The following ZNF333 variants were observed in gnomAD, a reference collection of about 807,000 sequenced individuals.
ZNF333 encodes zinc finger protein 333.
ZNF333 carries 61 observed loss-of-function variants against 76.1 expected under a neutral mutation model. That is an observed-to-expected ratio of 0.80 (90% confidence interval 0.65 to 0.99). The LOEUF (loss-of-function observed/expected upper bound fraction) is 0.99. ZNF333 is among the 50% of genes least tolerant of loss of function. The probability of loss-of-function intolerance (pLI) is 0.00; values close to 1 mark genes in which losing one functional copy is unlikely to be tolerated. For synonymous variants in ZNF333, 284 were observed against 305.0 expected, an observed-to-expected ratio of 0.93 and a Z score of 0.72; for missense variants, 717 against 822.4, an observed-to-expected ratio of 0.87 and a Z score of 1.57.
Position 14,706,884 on chromosome 19 carries a change from C to T in ZNF333, c.511+111C>T, listed in dbSNP as rs567837665. 6.5e-4 allele frequency: 568 copies of T among 873,486 alleles called. 5 individuals carry two copies. Among genetic ancestry groups the T allele is most frequent in the East Asian group, 1.2e-3 (46 of 38,066 alleles). 54.1% of individuals were successfully genotyped at this position (873,486 alleles called of 1,614,324 possible). ...CATTTCCTCTGACTGCAGGCACTGC[C>T]GTGGCACCATAGAGAGGATACAGAA... On this transcript the variant is annotated intron_variant, in intron 7 of 11. Transcript: ENST00000292530.
chr19:14,719,216 G>C lies in ZNF333; in HGVS notation c.1889G>C (p.Ser630Thr). The change falls in exon 12 of 12, where the codon AGC (serine) becomes ACC (threonine). Residue 630 changes from serine (S) to threonine (T), a missense_variant. Physicochemically the swap from Ser to Thr is moderately conservative, Grantham distance 58. Transcript: ENST00000292530. ...CAGTGTGAGAAAGCCTTCAGGCACAGCTCCTCACTCACTGTACACAAAAGA... is the reference window on the plus strand; with the variant it reads ...CAGTGTGAGAAAGCCTTCAGGCACACCTCCTCACTCACTGTACACAAAAGA... ...CNQCEKAFRH[S>T]SSLTVHKRTH... The C allele has an allele frequency of 6.2e-7, 1 of 1,614,228 alleles. No individual in the cohort carries two copies. Among genetic ancestry groups the C allele is most frequent in the Non-Finnish European group, 8.5e-7 (1 of 1,180,048 alleles).
At chr19:14,707,693 AG>A (rs1191348344) in intron 7 of ZNF333, among the ~76,000 whole-genome samples, 1 of 150,310 alleles carries the variant, frequency 6.7e-6, no homozygotes, top group Non-Finnish European at 1.5e-5. Flanking sequence ...CTGGGATTAC[AG>A]GCGCCCACCA....
intron 4 of ZNF333, 29 bp downstream of exon 4, chr19:14,695,690 C>T (rs377698497): frequency 3.1e-5 from 49 of 1,604,866 alleles, no homozygotes; most frequent in East Asian, 8.9e-5. Flanking sequence ...GTGGATCCCC[C>T]GACCCCCCTG....
At chr19:14,704,476 G>T (rs372897327) in intron 5 of ZNF333, among the ~76,000 whole-genome samples, 30 of 152,264 alleles carry the variant, frequency 2.0e-4, no homozygotes, top group East Asian at 9.7e-4. Flanking sequence ...GTAGAGATGG[G>T]TGTATTAGTC....
chr19:14,696,802 G>C (rs766932747), intron 4 of ZNF333, among the ~76,000 whole-genome samples: 1 of 132,206 alleles, frequency 7.6e-6, no homozygotes, highest in Admixed American at 9.0e-5. Context: ...GCAGTGGTAC[G>C]ATCTCGGCTC....
At chr19:14,731,910 C>T (rs928745327) in exon 12 of ZNF333, 2 of 152,030 alleles carry the variant, frequency 1.3e-5, no homozygotes, top group Non-Finnish European at 2.9e-5. Flanking sequence ...ATCAGCTGAC[C>T]CTAGAGTTTC....
At chr19:14,717,555 G>T in intron 10 of ZNF333, 102 bp from the exon 11 acceptor site, 1 of 969,838 alleles carries the variant, frequency 1.0e-6, no homozygotes. Flanking sequence ...ACCAGTATTT[G>T]GGAAAAAAAG....
chr19:14,700,749 C>G (rs1599705719), intron 5 of ZNF333, among the ~76,000 whole-genome samples: 1 of 152,160 alleles, frequency 6.6e-6, no homozygotes, highest in African/African-American at 2.4e-5. Context: ...AGCCTCACCC[C>G]CAAGTGGGGC....
At chr19:14,707,708 C>T (rs868840055) in intron 7 of ZNF333, among the ~76,000 whole-genome samples, 24 of 149,142 alleles carry the variant, frequency 1.6e-4, no homozygotes, top group African/African-American at 4.7e-4. Context: ...CCCACCACCA[C>T]GCCCGGCTAA....
At chr19:14,698,862 CAAAA>C (rs1204654831) in intron 4 of ZNF333, among the ~76,000 whole-genome samples, 3 of 136,260 alleles carry the variant, frequency 2.2e-5, no homozygotes, top group Non-Finnish European at 4.8e-5. Flanking sequence ...AAACAAAAAA[CAAAA>C]AACATGTATG....
Position 14,720,979 on chromosome 19 carries a change from C to A in ZNF333, c.*1654C>A. On this transcript the variant is annotated 3_prime_UTR_variant, in exon 12 of 12. Transcript: ENST00000292530. ...TTTCCAACAAATTGTTACTTTTATT[C>A]TTATAAAGTGATCATCCTTTTCCCT... 1 of 907,148 alleles carries A rather than the reference C, an allele frequency of 1.1e-6. No individual in the cohort carries two copies. Among genetic ancestry groups the A allele is most frequent in the Non-Finnish European group, 1.3e-6 (1 of 758,910 alleles). The allele number at this position is 907,148 out of a possible 1,614,324, so 56.2% of individuals were successfully genotyped here.
chr19:14,711,395 G>A (rs2042270752), intron 7 of ZNF333, among the ~76,000 whole-genome samples: 2 of 152,036 alleles, frequency 1.3e-5, no homozygotes, highest in Non-Finnish European at 2.9e-5. Flanking sequence ...GGGAAGTGAG[G>A]AATGATTTAA....
chr19:14,717,088 AG>A lies in ZNF333; in HGVS notation c.823+1del, dbSNP rs1414260305. 1 of 1,601,292 alleles carries A rather than the reference AG, an allele frequency of 6.2e-7. No homozygotes were observed. Among genetic ancestry groups the A allele is most frequent in the African/African-American group, 1.3e-5 (1 of 74,790 alleles). ...GGGGCGTCCTCTCAGACACCTGTGC[AG>A]GTGAGCCCAGGCAGATCAGGTGAGC... ...DRGVLSDTCA[E>X]PQCQPQEAIP... On this transcript the variant is annotated frameshift_variant and splice_region_variant, in exon 10 of 12. Coordinates refer to ENST00000292530, the MANE Select transcript of ZNF333 (RefSeq NM_032433.4). LOFTEE classifies it high-confidence loss of function.
At chr19:14,729,374 T>G (rs1408548701) in intron 11 of ZNF333, among the ~76,000 whole-genome samples, 1 of 152,064 alleles carries the variant, frequency 6.6e-6, no homozygotes, top group Non-Finnish European at 1.5e-5. Flanking sequence ...TTTTTTTTGT[T>G]TTTTGAGACA....
intron 5 of ZNF333, among the ~76,000 whole-genome samples, chr19:14,701,353 C>T (rs1464956050): frequency 6.6e-6 from 1 of 152,228 alleles, no homozygotes; most frequent in Non-Finnish European, 1.5e-5. Context: ...CTTCCTGCCT[C>T]AGCCTCCTCC....
chr19:14,705,570 T>C (rs2042085284), intron 6 of ZNF333, among the ~76,000 whole-genome samples: 1 of 152,156 alleles, frequency 6.6e-6, no homozygotes, highest in Non-Finnish European at 1.5e-5. Flanking sequence ...CTCAGGGCCC[T>C]GCGTGTCCTT....
At chr19:14,711,907 T>C (rs2042287888) in intron 7 of ZNF333, among the ~76,000 whole-genome samples, 1 of 151,552 alleles carries the variant, frequency 6.6e-6, no homozygotes, top group African/African-American at 2.4e-5. Context: ...AGGGAAGGGG[T>C]CCTATCAGAG....
chr19:14,721,981 G>A (rs569906958), downstream of ZNF333: 3 of 152,162 alleles, frequency 2.0e-5, no homozygotes, highest in East Asian at 5.8e-4. Context: ...CCTATCTTTA[G>A]CTTTAGTAGA....
exon 12 of ZNF333, chr19:14,733,038 C>G (rs2147058302): frequency 6.6e-6 from 1 of 152,274 alleles, no homozygotes; most frequent in East Asian, 1.9e-4. Context: ...GCTGTGTGTT[C>G]TGCTTCCTCA....
Sources: gnomAD v4.1 joint callset for allele counts (sites outside exome capture counted in the v4.1 genomes callset) on GRCh38, gnomAD v4.1.1 for gene constraint, MANE v1.5 for transcripts, NCBI Gene and HGNC (gene_info 2026-07-23, HGNC 2026-07-21) for gene names.